Variants in SPMIP4 observed in about 807,000 individuals in gnomAD.
The protein encoded by SPMIP4 is sperm microtubule inner protein 4.
At chr7:25,126,197 AGTTT>A in the SPMIP4 span, among the ~76,000 whole-genome samples, 1 of 151,960 alleles carries the variant, frequency 6.6e-6, no homozygotes, top group African/African-American at 2.4e-5. Context: ...TTATACTTTT[AGTTT>A]GTTTAATGTA....
At chr7:25,170,085 TTC>T in the SPMIP4 span, among the ~76,000 whole-genome samples, 1 of 152,206 alleles carries the variant, frequency 6.6e-6, no homozygotes, top group South Asian at 2.1e-4. Context: ...CATATGGTGA[TTC>T]TGTTTAACTT....
chr7:25,136,028 G>A, the SPMIP4 span: 2 of 1,613,416 alleles, frequency 1.2e-6, no homozygotes, highest in South Asian at 1.1e-5. This position sits in a 1 kb window ranked among gnomAD's most constrained non-coding sequence, Gnocchi z 5.7. Context: ...ATCCCCGAAT[G>A]CTCATTATCC....
the SPMIP4 span, among the ~76,000 whole-genome samples, chr7:25,132,263 A>C: frequency 6.6e-6 from 1 of 152,266 alleles, no homozygotes; most frequent in East Asian, 1.9e-4. This position sits in a 1 kb window ranked among gnomAD's most constrained non-coding sequence, Gnocchi z 5.0. Flanking sequence ...GTGTGAGCTA[A>C]GTTGCAAGCC....
chr7:25,140,726 T>C, the SPMIP4 span, among the ~76,000 whole-genome samples: 1 of 151,462 alleles, frequency 6.6e-6, no homozygotes, highest in African/African-American at 2.4e-5. Flanking sequence ...TAGCTGGGAT[T>C]ACAGGCGCCC....
At chr7:25,172,188 A>G in the SPMIP4 span, among the ~76,000 whole-genome samples, 15 of 152,204 alleles carry the variant, frequency 9.9e-5, no homozygotes, top group African/African-American at 3.6e-4. The surrounding 1 kb of genome is among the most constrained non-coding windows in gnomAD (Gnocchi z 4.2). Context: ...ATATTCTGTT[A>G]AGCCCCTTGC....
the SPMIP4 span, among the ~76,000 whole-genome samples, chr7:25,140,691 G>A: frequency 6.6e-6 from 1 of 151,612 alleles, no homozygotes; most frequent in East Asian, 2.0e-4. Context: ...TGGCTGAAGC[G>A]ATTCTCCTGC....
chr7:25,144,175 G>C, the SPMIP4 span, among the ~76,000 whole-genome samples: 1 of 152,052 alleles, frequency 6.6e-6, no homozygotes, highest in South Asian at 2.1e-4. Context: ...TGAGGGCCTG[G>C]GATGAAAGTA....
At chr7:25,168,413 C>G in the SPMIP4 span, 1 of 1,610,892 alleles carries the variant, frequency 6.2e-7, no homozygotes, top group Non-Finnish European at 8.5e-7. Flanking sequence ...TACTCTCTTT[C>G]AGCGCCCCAA....
the SPMIP4 span, chr7:25,142,507 C>T: frequency 1.1e-6 from 1 of 921,296 alleles, no homozygotes; most frequent in Non-Finnish European, 1.6e-6. Context: ...CACCTTAATT[C>T]TTATTTAAAT....
the SPMIP4 span, among the ~76,000 whole-genome samples, chr7:25,158,857 A>AC: frequency 6.7e-6 from 1 of 148,214 alleles, no homozygotes; most frequent in African/African-American, 2.6e-5. Flanking sequence ...TCTGTCTCAA[A>AC]AAAAAAAAAA....
At chr7:25,170,978 T>C in the SPMIP4 span, among the ~76,000 whole-genome samples, 1 of 152,220 alleles carries the variant, frequency 6.6e-6, no homozygotes, top group Non-Finnish European at 1.5e-5. Flanking sequence ...TAGAGCTTCT[T>C]AGAAATGCAA....
At chr7:25,179,153 C>T in the SPMIP4 span, 3 of 1,577,490 alleles carry the variant, frequency 1.9e-6, no homozygotes, top group South Asian at 2.3e-5. Context: ...TTCTTGTTTG[C>T]TTTTTCTAGT....
the SPMIP4 span, among the ~76,000 whole-genome samples, chr7:25,162,264 C>CT: frequency 2.4e-5 from 2 of 84,286 alleles, no homozygotes; most frequent in Non-Finnish European, 5.4e-5. Flanking sequence ...GAGTGAAACT[C>CT]TGTCTCAAAA....
the SPMIP4 span, among the ~76,000 whole-genome samples, chr7:25,151,954 A>ACAGGG: frequency 6.6e-6 from 1 of 152,180 alleles, no homozygotes; most frequent in South Asian, 2.1e-4. Flanking sequence ...AGCTGGGACT[A>ACAGGG]CAGGGCAGGG....
chr7:25,154,649 T>G, the SPMIP4 span, among the ~76,000 whole-genome samples: 2 of 152,188 alleles, frequency 1.3e-5, no homozygotes, highest in Non-Finnish European at 2.9e-5. Context: ...CACTGTCCCT[T>G]GTGCTGATCA....
At chr7:25,152,894 C>T in the SPMIP4 span, among the ~76,000 whole-genome samples, 1 of 151,958 alleles carries the variant, frequency 6.6e-6, no homozygotes, top group Non-Finnish European at 1.5e-5. Context: ...CAGGCATGCA[C>T]CACCAGGCCT....
chr7:25,163,088 A>G, the SPMIP4 span, among the ~76,000 whole-genome samples: 2 of 152,210 alleles, frequency 1.3e-5, no homozygotes, highest in African/African-American at 4.8e-5. This position sits in a 1 kb window ranked among gnomAD's most constrained non-coding sequence, Gnocchi z 4.4. Flanking sequence ...ACCTTTGAGC[A>G]TGATCTCAAG....
chr7:25,141,399 C>G, the SPMIP4 span, among the ~76,000 whole-genome samples: 1 of 151,902 alleles, frequency 6.6e-6, no homozygotes, highest in Non-Finnish European at 1.5e-5. Context: ...TGGTGAAACC[C>G]CGTCTCTACT....
the SPMIP4 span, among the ~76,000 whole-genome samples, chr7:25,139,400 A>C: frequency 1.1e-4 from 17 of 151,548 alleles, no homozygotes; most frequent in Non-Finnish European, 2.2e-4. Flanking sequence ...GGTGTTAATT[A>C]TACATTTTTT....
Sources: allele counts gnomAD v4.1 joint callset (sites outside exome capture counted in the v4.1 genomes callset), GRCh38; gene constraint gnomAD v4.1.1; non-coding constraint Gnocchi (gnomAD v3.1); transcripts MANE v1.5; gene names NCBI Gene and HGNC (gene_info 2026-07-23, HGNC 2026-07-21).